SCIN: variants seen among roughly 807,000 people sequenced by gnomAD.
The protein encoded by SCIN is scinderin.
SCIN carries 91 observed loss-of-function variants against 91.8 expected under a neutral mutation model. That is an observed-to-expected ratio of 0.99 (90% CI 0.84 to 1.18). The LOEUF (loss-of-function observed/expected upper bound fraction) is 1.18, where lower values mean the gene tolerates loss of function less well. SCIN is among the 50% of genes most tolerant of loss of function. The pLI is 0.00. For synonymous variants in SCIN, 367 were observed against 312.6 expected (o/e 1.17, Z -1.84); for missense variants, 1,087 against 863.9 (o/e 1.26, Z -3.24).
At chr7:12,630,384 C>T (rs2115279817) in intron 9 of SCIN, among the ~76,000 whole-genome samples, 1 of 152,232 alleles carries the variant, frequency 6.6e-6, no homozygotes, top group East Asian at 1.9e-4. Context: ...TTGACAGGCA[C>T]TGCTTCAGGC....
At chr7:12,597,088 C>G (rs1169047937) in intron 3 of SCIN, among the ~76,000 whole-genome samples, 1 of 152,062 alleles carries the variant, frequency 6.6e-6, no homozygotes, top group African/African-American at 2.4e-5. Context: ...ACATACGTAA[C>G]TGAAGGATAT....
rs1433265130 is a variant in SCIN, at chr7:12,656,238, A to G, written c.*3523A>G. ...CCACTTAACTCATTATTCAGTCATC[A>G]AGCAATTCTTGTCCCAATCATTCTC... is the stretch of plus-strand genomic sequence containing the variant. On this transcript the variant is annotated 3_prime_UTR_variant, in exon 16 of 16. Coordinates refer to ENST00000297029, the MANE Select transcript of SCIN (RefSeq NM_001112706.3). 4 of 152,348 alleles carry G rather than the reference A, an allele frequency of 2.6e-5. No homozygotes were observed. In the East Asian group the frequency reaches 7.7e-4, roughly 29 times the overall value. 9.4% of individuals were successfully genotyped at this position (152,348 alleles called of 1,614,324 possible).
intron 1 of SCIN, 138 bp from the exon 2 acceptor site, chr7:12,577,926 G>A: frequency 1.4e-6 from 1 of 726,960 alleles, no homozygotes; most frequent in Admixed American, 3.4e-5. Flanking sequence ...CAGTATTTTA[G>A]CTAAAAGATC....
intron 3 of SCIN, among the ~76,000 whole-genome samples, chr7:12,591,966 A>G (rs1366059601): frequency 6.6e-6 from 1 of 152,146 alleles, no homozygotes; most frequent in Non-Finnish European, 1.5e-5. Flanking sequence ...GAGGGGCTGC[A>G]AAGAAGAAGG....
intron 4 of SCIN, among the ~76,000 whole-genome samples, chr7:12,620,510 G>T (rs1233856815): frequency 6.6e-6 from 1 of 152,004 alleles, no homozygotes; most frequent in African/African-American, 2.4e-5. Flanking sequence ...CATCCATGTT[G>T]TTGCAAATGA....
intron 14 of SCIN, among the ~76,000 whole-genome samples, chr7:12,650,387 A>G (rs1189882421): frequency 1.3e-5 from 2 of 152,202 alleles, no homozygotes; most frequent in African/African-American, 4.8e-5. Flanking sequence ...GAAGAATTAC[A>G]CTTCCTTATT....
intron 4 of SCIN, among the ~76,000 whole-genome samples, chr7:12,618,877 T>C (rs1201780179): frequency 6.6e-6 from 1 of 152,160 alleles, no homozygotes; most frequent in Non-Finnish European, 1.5e-5. Flanking sequence ...AACAGAGTCA[T>C]CTACCCTAAA....
chr7:12,587,018 G>A (rs1380023706), intron 3 of SCIN, among the ~76,000 whole-genome samples: 1 of 152,098 alleles, frequency 6.6e-6, no homozygotes, highest in Non-Finnish European at 1.5e-5. Flanking sequence ...CTGTTGTATA[G>A]TGCTATGTGG....
At chr7:12,630,254 G>A (rs538855751) in intron 9 of SCIN, among the ~76,000 whole-genome samples, 15 of 152,160 alleles carry the variant, frequency 9.9e-5, no homozygotes, top group African/African-American at 3.6e-4. Flanking sequence ...GGAACTCGGA[G>A]GTATCAATAT....
At chr7:12,633,487 G>A (rs1307537515) in intron 9 of SCIN, among the ~76,000 whole-genome samples, 1 of 152,146 alleles carries the variant, frequency 6.6e-6, no homozygotes, top group African/African-American at 2.4e-5. Flanking sequence ...TGTGTGGATG[G>A]CAGTTTGGTA....
intron 3 of SCIN, among the ~76,000 whole-genome samples, chr7:12,593,576 G>T (rs372224517): frequency 4.6e-5 from 7 of 152,144 alleles, no homozygotes; most frequent in South Asian, 2.1e-4. Flanking sequence ...AGGAGGCAGG[G>T]TCGATGCGGG....
chr7:12,624,843 A>T (rs1268652705), intron 5 of SCIN, among the ~76,000 whole-genome samples, 167 bp from the exon 6 acceptor site: 3 of 152,160 alleles, frequency 2.0e-5, no homozygotes, highest in Non-Finnish European at 4.4e-5. Flanking sequence ...AAACAGTTTT[A>T]TTGAGATATA....
At chr7:12,635,814 A>G (rs1783739526) in intron 9 of SCIN, among the ~76,000 whole-genome samples, 1 of 151,972 alleles carries the variant, frequency 6.6e-6, no homozygotes, top group African/African-American at 2.4e-5. Context: ...CAAAAGCTCA[A>G]TTTCTTTAAC....
Position 12,580,951 on chromosome 7 carries a change from CAG to C in SCIN, c.355-108_355-107del, listed in dbSNP as rs1471288963. On this transcript the variant is annotated intron_variant, in intron 2 of 15. Coordinates refer to ENST00000297029, the MANE Select transcript of SCIN (RefSeq NM_001112706.3). ...CTATTTTAACTTGGCCTGACAGGTA[CAG>C]TTTTGGCACAAACACCAGCAGTATT... 4 of 1,117,640 alleles carry C rather than the reference CAG, an allele frequency of 3.6e-6. No individual in the cohort carries two copies. In the African/African-American group the frequency reaches 6.3e-5, roughly 18 times the overall value. The allele number at this position is 1,117,640 out of a possible 1,614,324, so 69.2% of individuals were successfully genotyped here.
At chr7:12,613,566 C>A (rs780256210) in intron 4 of SCIN, among the ~76,000 whole-genome samples, 47 of 152,006 alleles carry the variant, frequency 3.1e-4, no homozygotes, top group Non-Finnish European at 1.3e-4. Context: ...AAAATGGTGG[C>A]CACCTGGATT....
At chr7:12,610,856 A>G (rs1234690193) in intron 4 of SCIN, among the ~76,000 whole-genome samples, 1 of 152,204 alleles carries the variant, frequency 6.6e-6, no homozygotes, top group Non-Finnish European at 1.5e-5. Flanking sequence ...TATTAGGCAG[A>G]TGGCATATAC....
rs1330789664 is a variant in SCIN at position 12,636,048 on chromosome 7, A to G, written c.1323A>G (p.Gln441=). ...YPRGQIIYTW[Q]GANATRDELT... Reference sequence around the variant, plus strand: ...CGTTTCACTTTCATTCCTCTAGGCAAGGAGCAAATGCCACACGAGATGAGC... The same window carrying G: ...CGTTTCACTTTCATTCCTCTAGGCAGGGAGCAAATGCCACACGAGATGAGC... The change falls in exon 10 of 16, where the codon CAA becomes CAG. Residue 441 remains glutamine, a synonymous_variant. Transcript: ENST00000297029. The G allele has an allele frequency of 2.5e-6, 4 of 1,611,740 alleles. No individual in the cohort carries two copies. In the South Asian group the frequency reaches 4.4e-5, roughly 18 times the overall value.
At position 12,625,125 on chromosome 7, in the gene SCIN, A is replaced by C. The variant is rs1562621962; in HGVS notation, c.875A>C (p.Gln292Pro). Residue 292 changes from glutamine (Q) to proline (P), a missense_variant, in exon 6 of 16, where the codon CAA (glutamine) becomes CCA (proline). Physicochemically the swap from Gln to Pro is moderately conservative, Grantham distance 76 (BLOSUM62 -1). Transcript: ENST00000297029. Reference sequence around the variant, plus strand: ...ATTTTGGACCACGGGGCTGCCAAACAAATTTTCGTATGGAAAGGTAAAAAA... The same window carrying C: ...ATTTTGGACCACGGGGCTGCCAAACCAATTTTCGTATGGAAAGGTAAAAAA... ...CFILDHGAAKQIFVWKGKDAN... is the reference protein window; with the variant it reads ...CFILDHGAAKPIFVWKGKDAN... 1 of 1,608,486 alleles carries C rather than the reference A, an allele frequency of 6.2e-7. No individual in the cohort carries two copies. Among genetic ancestry groups the C allele is most frequent in the Non-Finnish European group, 8.5e-7 (1 of 1,177,834 alleles).
At chr7:12,585,784 C>T in intron 3 of SCIN, among the ~76,000 whole-genome samples, 1 of 152,166 alleles carries the variant, frequency 6.6e-6, no homozygotes, top group South Asian at 2.1e-4. Flanking sequence ...TGTCTTAGTA[C>T]CCAGTGCCTG....
Sources: allele counts gnomAD v4.1 joint callset (sites outside exome capture counted in the v4.1 genomes callset), GRCh38; gene constraint gnomAD v4.1.1; transcripts MANE v1.5; gene names NCBI Gene and HGNC (gene_info 2026-07-23, HGNC 2026-07-21).